KCNQ5: variants seen among roughly 807,000 people sequenced by gnomAD.
The protein encoded by KCNQ5 is potassium voltage-gated channel subfamily Q member 5, also known as potassium voltage-gated channel subfamily KQT member 5.
In KCNQ5, 30 loss-of-function variants were observed where a neutral mutation model predicts 98.2. The observed-to-expected ratio is 0.31, with a 90% CI of 0.23 to 0.41. KCNQ5 has a LOEUF of 0.41. KCNQ5 is among the 10% of genes least tolerant of loss of function. The pLI is 1.00. For missense variants in KCNQ5, 835 were observed against 1,182.5 expected (o/e 0.71, Z 4.31); for synonymous variants, 458 against 449.4 (o/e 1.02, Z -0.24).
chr6:73,192,151 C>T (rs3799287), intron 12 of KCNQ5, among the ~76,000 whole-genome samples: 4,315 of 152,302 alleles, frequency 0.028, 90 homozygotes, highest in East Asian at 0.069. Flanking sequence ...AAGAAAAAGA[C>T]CATGGCTTTC....
Position 73,177,624 on chromosome 6 carries a change from G to A in KCNQ5, c.1577+7770G>A, listed in dbSNP as rs144246524. 3.0e-4 allele frequency among the ~76,000 whole-genome samples: 45 copies of A among 152,278 alleles called. 2 individuals are homozygous for A. Among genetic ancestry groups the A allele is most frequent in the African/African-American group, 9.4e-4 (39 of 41,566 alleles). ...AGAAGAGGCACGTGTTTGCCATTGC[G>A]GGTTTTGTTAAATCTACAAGCTGTT... On this transcript the variant is annotated intron_variant, in intron 11 of 13. Coordinates refer to ENST00000370398, the MANE Select transcript of KCNQ5 (RefSeq NM_019842.4).
At chr6:73,049,165 T>A (rs1315113325) in intron 3 of KCNQ5, among the ~76,000 whole-genome samples, 1 of 152,238 alleles carries the variant, frequency 6.6e-6, no homozygotes, top group Non-Finnish European at 1.5e-5. Context: ...GTGCCTTTTT[T>A]ATTTTTAATA....
At position 72,626,809 on chromosome 6, in the gene KCNQ5, G is replaced by A. The variant is rs79629108; in HGVS notation, c.398+4222G>A. The stretch of plus-strand genomic sequence containing the variant: ...TGCCTAAGGAACTAAGGCAGTAACT[G>A]TGGAGATGAGAAGGAGGAGTTTAAC... On this transcript the variant is annotated intron_variant, in intron 1 of 13. Transcript: ENST00000370398. 1.8e-4 allele frequency among the ~76,000 whole-genome samples: 28 copies of A among 152,322 alleles called. No individual in the cohort carries two copies. In the East Asian group the frequency reaches 3.5e-3, roughly 19 times the overall value.
At chr6:72,716,970 A>G (rs1234979158) in intron 1 of KCNQ5, among the ~76,000 whole-genome samples, 1 of 152,182 alleles carries the variant, frequency 6.6e-6, no homozygotes, top group Non-Finnish European at 1.5e-5. Flanking sequence ...AGGGATGGGG[A>G]AAACAGAGCT....
chr6:72,878,129 G>A (rs1025787557), intron 1 of KCNQ5, among the ~76,000 whole-genome samples: 2 of 152,162 alleles, frequency 1.3e-5, no homozygotes, highest in Non-Finnish European at 2.9e-5. Context: ...AATTAGCGGG[G>A]CATGGTGGCA....
chr6:72,674,493 G>A (rs551184753), intron 1 of KCNQ5, among the ~76,000 whole-genome samples: 6 of 152,218 alleles, frequency 3.9e-5, no homozygotes, highest in East Asian at 3.9e-4. Flanking sequence ...AAAAGAGACC[G>A]GGTATGGCGG....
chr6:72,909,843 G>A (rs555751010), intron 1 of KCNQ5, among the ~76,000 whole-genome samples: 168 of 152,226 alleles, frequency 1.1e-3, no homozygotes, highest in African/African-American at 3.7e-3. Flanking sequence ...TTAATCACAG[G>A]CAATTTTACA....
intron 1 of KCNQ5, among the ~76,000 whole-genome samples, chr6:72,698,621 G>T (rs1030763330): frequency 8.9e-5 from 13 of 145,446 alleles, no homozygotes; most frequent in Non-Finnish European, 1.8e-4. Context: ...TAATTTGGAA[G>T]TAAATCTGTG....
chr6:72,852,714 T>TA (rs375947764), intron 1 of KCNQ5, among the ~76,000 whole-genome samples: 8 of 130,936 alleles, frequency 6.1e-5, no homozygotes, highest in African/African-American at 2.0e-4. Flanking sequence ...TTTACCTCAA[T>TA]AAAAAAAAGA....
chr6:73,099,895 A>G (rs1237917851), intron 5 of KCNQ5, among the ~76,000 whole-genome samples: 2 of 152,190 alleles, frequency 1.3e-5, no homozygotes, highest in Non-Finnish European at 2.9e-5. Flanking sequence ...CTTCTCCTAA[A>G]CACATGGATT....
intron 1 of KCNQ5, among the ~76,000 whole-genome samples, chr6:72,819,596 T>A (rs961379239): frequency 1.4e-4 from 21 of 152,312 alleles, no homozygotes; most frequent in African/African-American, 4.6e-4. Context: ...CTAATGTGAA[T>A]GGTTGGTAAA....
chr6:73,033,968 A>G (rs910538940), intron 2 of KCNQ5, among the ~76,000 whole-genome samples: 1 of 152,214 alleles, frequency 6.6e-6, no homozygotes, highest in Non-Finnish European at 1.5e-5. Flanking sequence ...GTGATGTTCT[A>G]TAAGTTATAG....
chr6:72,899,614 A>T (rs890881664), intron 1 of KCNQ5, among the ~76,000 whole-genome samples: 1 of 152,050 alleles, frequency 6.6e-6, no homozygotes, highest in Non-Finnish European at 1.5e-5. Context: ...AAACATATTT[A>T]CCCATATTTT....
At chr6:73,019,690 C>T (rs1770502494) in intron 2 of KCNQ5, among the ~76,000 whole-genome samples, 1 of 151,832 alleles carries the variant, frequency 6.6e-6, no homozygotes, top group African/African-American at 2.4e-5. Context: ...TAAAATTAGC[C>T]TAAATTTTAA....
Position 73,100,735 on chromosome 6 carries a change from C to A in KCNQ5, c.919-4522C>A, listed in dbSNP as rs185700227. On this transcript the variant is annotated intron_variant, in intron 5 of 13. Coordinates refer to ENST00000370398, the MANE Select transcript of KCNQ5 (RefSeq NM_019842.4). The stretch of plus-strand genomic sequence containing the variant: ...TTTTTGAAAAGATAAACAAAAATGA[C>A]AAACTTAGCCAGACTAAGAAAAAAG... Among the ~76,000 whole-genome samples the A allele has an allele frequency of 2.2e-3, 331 of 149,968 alleles. 2 individuals are homozygous for A. The highest frequency in any genetic ancestry group is 6.6e-3 in the African/African-American group (269 of 41,062).
At chr6:72,773,692 A>G (rs1440170252) in intron 1 of KCNQ5, among the ~76,000 whole-genome samples, 1 of 152,204 alleles carries the variant, frequency 6.6e-6, no homozygotes, top group African/African-American at 2.4e-5. Flanking sequence ...AGTTTGAAGC[A>G]TTCTTTTCAT....
intron 1 of KCNQ5, among the ~76,000 whole-genome samples, chr6:72,824,769 C>T (rs929297485): frequency 4.6e-5 from 7 of 151,200 alleles, no homozygotes; most frequent in African/African-American, 1.7e-4. Context: ...GTCTCTCTCT[C>T]TTTCTTTCTC....
intron 2 of KCNQ5, among the ~76,000 whole-genome samples, chr6:73,032,045 T>C (rs1221854345): frequency 6.6e-6 from 1 of 152,218 alleles, no homozygotes; most frequent in African/African-American, 2.4e-5. Flanking sequence ...CTATCTCTTA[T>C]CTTGACACAA....
intron 10 of KCNQ5, among the ~76,000 whole-genome samples, chr6:73,146,761 G>A (rs1306990334): frequency 6.6e-6 from 1 of 151,592 alleles, no homozygotes; most frequent in East Asian, 1.9e-4. Context: ...ATCTGAATGT[G>A]ATTGACCACT....
Sources: allele counts gnomAD v4.1 joint callset (sites outside exome capture counted in the v4.1 genomes callset), GRCh38; gene constraint gnomAD v4.1.1; transcripts MANE v1.5; gene names NCBI Gene and HGNC (gene_info 2026-07-23, HGNC 2026-07-21).